The following ENAH variants were observed in gnomAD, a reference collection of about 807,000 sequenced individuals.
ENAH encodes protein enabled homolog.
ENAH carries 23 observed loss-of-function variants against 78.7 expected under a neutral mutation model. The ratio of observed to expected loss-of-function variants is 0.29; its 90% CI spans 0.21 to 0.41. ENAH has a LOEUF of 0.41. ENAH is among the 10% of genes least tolerant of loss of function. The pLI is 1.00. For synonymous variants in ENAH, 226 were observed against 241.0 expected (o/e 0.94, Z 0.58); for missense variants, 544 against 691.0 (o/e 0.79, Z 2.39).
At chr1:225,615,134 A>G (rs563034106) in intron 1 of ENAH, among the ~76,000 whole-genome samples, 221 of 151,240 alleles carry the variant, frequency 1.5e-3, no homozygotes, top group African/African-American at 4.9e-3. Flanking sequence ...GCTCACTGCA[A>G]CCTCCCTGCC....
chr1:225,605,343 G>A (rs140203520), intron 1 of ENAH, among the ~76,000 whole-genome samples: 6 of 152,268 alleles, frequency 3.9e-5, no homozygotes, highest in African/African-American at 9.6e-5. Flanking sequence ...AAGTCAACTC[G>A]ATGTCAGGCA....
chr1:225,635,557 TGA>T (rs1659906213), intron 1 of ENAH, among the ~76,000 whole-genome samples: 1 of 152,210 alleles, frequency 6.6e-6, no homozygotes, highest in African/African-American at 2.4e-5. Context: ...ATCTGACTAA[TGA>T]GAGAGATGAA....
At chr1:225,637,863 C>CA (rs1378053131) in intron 1 of ENAH, among the ~76,000 whole-genome samples, 1 of 152,118 alleles carries the variant, frequency 6.6e-6, no homozygotes, top group African/African-American at 2.4e-5. Flanking sequence ...TTCCAGGTTG[C>CA]AGTGAGCTAT....
intron 1 of ENAH, among the ~76,000 whole-genome samples, chr1:225,633,558 T>C (rs146234996): frequency 3.7e-4 from 56 of 152,328 alleles, no homozygotes; most frequent in Non-Finnish European, 7.5e-4. Flanking sequence ...GACTTAGATC[T>C]GAATTTCAGC....
At chr1:225,531,998 T>G (rs933933336) in intron 3 of ENAH, among the ~76,000 whole-genome samples, 3 of 151,342 alleles carry the variant, frequency 2.0e-5, no homozygotes, top group African/African-American at 7.3e-5. Context: ...ACCAAATAAA[T>G]ATTATAAAAA....
intron 10 of ENAH, among the ~76,000 whole-genome samples, chr1:225,509,247 C>G (rs2096357762): frequency 6.6e-6 from 1 of 152,030 alleles, no homozygotes; most frequent in Non-Finnish European, 1.5e-5. Flanking sequence ...AAAGGGAAGT[C>G]CTGAATGAAA....
intron 3 of ENAH, among the ~76,000 whole-genome samples, chr1:225,538,172 C>T (rs2096571333): frequency 6.6e-6 from 1 of 152,108 alleles, no homozygotes; most frequent in Admixed American, 6.5e-5. Flanking sequence ...ACACTTCGGA[C>T]CATCAGTAAT....
chr1:225,650,694 CA>C (rs1413726688), intron 1 of ENAH, among the ~76,000 whole-genome samples: 2 of 151,282 alleles, frequency 1.3e-5, no homozygotes, highest in African/African-American at 4.9e-5. Flanking sequence ...ACTAAAAATA[CA>C]AAAAATTAGC....
chr1:225,532,556 T>C (rs2151273427), intron 3 of ENAH, among the ~76,000 whole-genome samples: 1 of 152,114 alleles, frequency 6.6e-6, no homozygotes, highest in Non-Finnish European at 1.5e-5. Flanking sequence ...CCAATTAAAA[T>C]CTCAGTTTTA....
At chr1:225,583,450 A>AG (rs1177623012) in intron 1 of ENAH, among the ~76,000 whole-genome samples, 258 of 151,258 alleles carry the variant, frequency 1.7e-3, no homozygotes, top group Non-Finnish European at 1.2e-3. Flanking sequence ...AAAAAAAAAA[A>AG]AAAGAGAGAG....
chr1:225,641,516 T>C (rs981443013), intron 1 of ENAH, among the ~76,000 whole-genome samples: 1 of 145,044 alleles, frequency 6.9e-6, no homozygotes, highest in Non-Finnish European at 1.5e-5. Context: ...AACCAATGAG[T>C]TGCCGCACAC....
intron 10 of ENAH, among the ~76,000 whole-genome samples, chr1:225,511,455 A>T (rs1313215055): frequency 6.6e-6 from 1 of 152,234 alleles, no homozygotes; most frequent in Non-Finnish European, 1.5e-5. Context: ...CTTAATTATC[A>T]ATATCACCCA....
intron 3 of ENAH, among the ~76,000 whole-genome samples, chr1:225,540,921 C>G (rs2096585604): frequency 6.6e-6 from 1 of 152,046 alleles, no homozygotes; most frequent in Non-Finnish European, 1.5e-5. Flanking sequence ...ATAAATGCTA[C>G]AAGATGTATG....
At chr1:225,610,140 T>C (rs2096980637) in intron 1 of ENAH, among the ~76,000 whole-genome samples, 1 of 150,574 alleles carries the variant, frequency 6.6e-6, no homozygotes. Context: ...GGAAATCACA[T>C]TATAGAACAT....
intron 1 of ENAH, among the ~76,000 whole-genome samples, chr1:225,569,980 TG>T (rs910072588): frequency 6.6e-6 from 1 of 151,668 alleles, no homozygotes; most frequent in Non-Finnish European, 1.5e-5. Context: ...CCAAGGCAGG[TG>T]GATCACCTGA....
chr1:225,586,241 C>CTAA (rs2096845702), intron 1 of ENAH, among the ~76,000 whole-genome samples: 1 of 100,636 alleles, frequency 9.9e-6, no homozygotes, highest in Non-Finnish European at 1.9e-5. Context: ...GAGACAAGCT[C>CTAA]AAAAAAAAAA....
intron 1 of ENAH, among the ~76,000 whole-genome samples, chr1:225,595,294 T>C (rs765241604): frequency 2.6e-5 from 4 of 151,852 alleles, no homozygotes; most frequent in Non-Finnish European, 5.9e-5. Context: ...GATTACGCCA[T>C]TGCACTCTAG....
chr1:225,572,137 T>G (rs76356755), intron 1 of ENAH, among the ~76,000 whole-genome samples: 6,544 of 152,196 alleles, frequency 0.043, 229 homozygotes, highest in South Asian at 0.11. Context: ...CTACGTTAAC[T>G]CTGCACAGTG....
chr1:225,602,464 T>A (rs932993710), intron 1 of ENAH, among the ~76,000 whole-genome samples: 1 of 152,092 alleles, frequency 6.6e-6, no homozygotes, highest in Admixed American at 6.6e-5. Context: ...TCCAACAGTG[T>A]TTTTTTGTTG....
Sources: allele counts gnomAD v4.1 joint callset (sites outside exome capture counted in the v4.1 genomes callset), GRCh38; gene constraint gnomAD v4.1.1; transcripts MANE v1.5; gene names NCBI Gene and HGNC (gene_info 2026-07-23, HGNC 2026-07-21).